The following SLC4A5 variants were observed in gnomAD, a reference collection of about 807,000 sequenced individuals.
SLC4A5 encodes the protein solute carrier family 4 member 5.
In SLC4A5, 96 loss-of-function variants were observed where a neutral mutation model predicts 120.4. That is an observed-to-expected ratio of 0.80 (90% CI 0.68 to 0.94). The LOEUF (loss-of-function observed/expected upper bound fraction) is 0.94. SLC4A5 is among the 40% of genes least tolerant of loss of function. The pLI, the probability that SLC4A5 is intolerant of heterozygous loss-of-function variation, is 0.00. For missense variants in SLC4A5, 1,259 were observed against 1,459.5 expected (o/e 0.86, Z 2.24); for synonymous variants, 550 against 571.1 (o/e 0.96, Z 0.53).
At chr2:74,233,312 G>T (rs962797238) in intron 23 of SLC4A5, 90 bp downstream of exon 23, 51 of 1,473,178 alleles carry the variant, frequency 3.5e-5, no homozygotes, top group Non-Finnish European at 4.6e-5. Flanking sequence ...CTGGCCCAAA[G>T]TACTGAAAGA....
At chr2:74,266,830 T>C (rs1048118072) in intron 8 of SLC4A5, among the ~76,000 whole-genome samples, 38 of 152,162 alleles carry the variant, frequency 2.5e-4, no homozygotes, top group Non-Finnish European at 4.9e-4. Context: ...ACAGATTTGA[T>C]TGCACAAAAC....
At chr2:74,254,202 T>C (rs150753251) in intron 14 of SLC4A5, among the ~76,000 whole-genome samples, 2,087 of 151,794 alleles carry the variant, frequency 0.014, 57 homozygotes, top group African/African-American at 0.048. Flanking sequence ...TCTCCAGTAT[T>C]ACCTCCTGCC....
intron 23 of SLC4A5, 76 bp downstream of exon 23, chr2:74,233,326 A>G: frequency 1.3e-6 from 2 of 1,544,012 alleles, no homozygotes; most frequent in South Asian, 2.2e-5. Flanking sequence ...TGAAAGAAGC[A>G]TCATGTCCTT....
At chr2:74,315,060 T>TGTC in intron 5 of SLC4A5, 35 bp from the exon 6 acceptor site, 2 of 1,537,572 alleles carry the variant, frequency 1.3e-6, no homozygotes, top group East Asian at 4.5e-5. Flanking sequence ...TCAAAATGTA[T>TGTC]ACATTAAAAA....
intron 19 of SLC4A5, among the ~76,000 whole-genome samples, chr2:74,244,078 C>T (rs1002601530): frequency 5.3e-5 from 8 of 152,168 alleles, no homozygotes; most frequent in African/African-American, 1.4e-4. Flanking sequence ...GGCCCATGGA[C>T]CGGGAAAGAA....
chr2:74,306,789 G>T, intron 6 of SLC4A5: 1 of 785,188 alleles, frequency 1.3e-6, no homozygotes, highest in Non-Finnish European at 2.1e-6. Context: ...TATCCAGTGG[G>T]TAGTGTTCTT....
chr2:74,282,079 G>A (rs1322183307), intron 8 of SLC4A5, among the ~76,000 whole-genome samples: 1 of 152,152 alleles, frequency 6.6e-6, no homozygotes, highest in Non-Finnish European at 1.5e-5. Flanking sequence ...ATTTTTTTGT[G>A]GGGGTGACAA....
At chr2:74,256,246 C>T (rs537229292) in intron 12 of SLC4A5, among the ~76,000 whole-genome samples, 2 of 152,310 alleles carry the variant, frequency 1.3e-5, no homozygotes, top group South Asian at 2.1e-4. Context: ...CCGGGGTTGC[C>T]GGACATCAGG....
At chr2:74,232,508 G>A in exon 24 of SLC4A5, 3 of 1,614,074 alleles carry the variant, frequency 1.9e-6, no homozygotes, top group Non-Finnish European at 2.5e-6. Context: ...AGGGGCACTG[G>A]TCTCTGTCTC....
chr2:74,326,411 G>A (rs1297980128), intron 5 of SLC4A5, among the ~76,000 whole-genome samples: 2 of 152,132 alleles, frequency 1.3e-5, no homozygotes, highest in East Asian at 3.8e-4. Context: ...TTACAGTAAG[G>A]GAACACACAA....
At chr2:74,336,769 A>C (rs750949903) in intron 3 of SLC4A5, among the ~76,000 whole-genome samples, 108 of 152,314 alleles carry the variant, frequency 7.1e-4, no homozygotes, top group Non-Finnish European at 1.2e-3. Context: ...ATCTTGTATA[A>C]GATATTTTTA....
intron 7 of SLC4A5, among the ~76,000 whole-genome samples, chr2:74,303,851 ATTTT>A (rs11287779): frequency 7.0e-6 from 1 of 143,530 alleles, no homozygotes; most frequent in African/African-American, 2.6e-5. Flanking sequence ...CATTATTATT[ATTTT>A]TTTTTTTTTT....
In SLC4A5 at chr2:74,248,484, TC is replaced by T. The variant is rs1448993016; in HGVS notation, c.1655del (p.Gly552GlufsTer2). 2 of 1,613,874 alleles carry T rather than the reference TC, an allele frequency of 1.2e-6. No individual in the cohort carries two copies. ...CAGTGCCCAGGAAGCTCTCCATCAC[TC>T]CCTGGGGGCACAAGGAATGTGTGGT... On this transcript the variant is annotated frameshift_variant and splice_region_variant, in exon 18 of 31. Coordinates refer to ENST00000394019, the Ensembl canonical transcript of SLC4A5. LOFTEE classifies it high-confidence loss of function.
rs75168550 is a variant in SLC4A5, at chr2:74,235,364, T to C, written c.2320-150A>G. 5.4e-3 allele frequency: 3,347 copies of C among 617,410 alleles called. 90 individuals carry two copies. The African/African-American group carries it at 0.057, about 10-fold the overall frequency. The allele number at this position is 617,410 out of a possible 1,614,324, so 38.2% of individuals were successfully genotyped here. ...AGGCTCAAATCCAGGCTCTGCTCCT[T>C]GCTAACTGTGTGAGCTTGGGGAAGC... On this transcript the variant is annotated intron_variant, in intron 21 of 30. Coordinates refer to ENST00000394019, the Ensembl canonical transcript of SLC4A5.
intron 14 of SLC4A5, among the ~76,000 whole-genome samples, chr2:74,254,366 G>A (rs987351888): frequency 6.6e-6 from 1 of 152,114 alleles, no homozygotes; most frequent in Non-Finnish European, 1.5e-5. Flanking sequence ...CCTCATCTGT[G>A]AAGCCCTCCT....
chr2:74,289,282 A>C (rs1325752772), intron 7 of SLC4A5, among the ~76,000 whole-genome samples: 1 of 152,148 alleles, frequency 6.6e-6, no homozygotes, highest in African/African-American at 2.4e-5. Flanking sequence ...TCATGGACTC[A>C]TGTATTTAAA....
chr2:74,315,759 T>C (rs982976732), intron 5 of SLC4A5, among the ~76,000 whole-genome samples: 6 of 151,958 alleles, frequency 3.9e-5, no homozygotes, highest in Admixed American at 3.3e-4. Flanking sequence ...ATTGTGCCAC[T>C]GCATTACAGC....
At chr2:74,259,758 C>T in intron 11 of SLC4A5, 115 bp from the exon 12 acceptor site, 1 of 929,674 alleles carries the variant, frequency 1.1e-6, no homozygotes, top group South Asian at 1.3e-5. Context: ...AAACTCCCTC[C>T]CCCTTAATCC....
chr2:74,263,606 T>C (rs1224606122), intron 10 of SLC4A5, among the ~76,000 whole-genome samples: 1 of 151,424 alleles, frequency 6.6e-6, no homozygotes, highest in Admixed American at 6.6e-5. Flanking sequence ...CAGAGTGACA[T>C]CAGCCACCAG....
Sources: allele counts gnomAD v4.1 joint callset (sites outside exome capture counted in the v4.1 genomes callset), GRCh38; gene constraint gnomAD v4.1.1; transcripts MANE v1.5; gene names NCBI Gene and HGNC (gene_info 2026-07-23, HGNC 2026-07-21).